DNAAF4: variants seen among roughly 807,000 people sequenced by gnomAD.
DNAAF4 encodes dynein assembly factor 4, axonemal.
A neutral mutation model predicts 51.8 loss-of-function variants in DNAAF4; 43 were observed. The ratio of observed to expected loss-of-function variants is 0.83; its 90% CI spans 0.65 to 1.07. DNAAF4 has a LOEUF of 1.07. Among genes scored for constraint, DNAAF4 ranks in the 50% least tolerant of loss-of-function variants. The pLI, the probability that DNAAF4 is intolerant of heterozygous loss-of-function variation, is 0.00. For missense variants in DNAAF4, 581 were observed against 493.0 expected, an observed-to-expected ratio of 1.18 and a Z score of -1.69; for synonymous variants, 194 against 165.6, an observed-to-expected ratio of 1.17 and a Z score of -1.32.
chr15:55,480,421 A>G (rs1299643660), intron 4 of DNAAF4, among the ~76,000 whole-genome samples: 2 of 152,158 alleles, frequency 1.3e-5, no homozygotes, highest in Non-Finnish European at 2.9e-5. Flanking sequence ...ACAACAAGCT[A>G]ACCTACATGT....
At chr15:55,433,904 T>TATATAA (rs1567000410) in intron 8 of DNAAF4, among the ~76,000 whole-genome samples, 1 of 16,342 alleles carries the variant, frequency 6.1e-5, no homozygotes, top group African/African-American at 4.7e-4. Flanking sequence ...ATTATATATA[T>TATATAA]TATATATAAT....
At chr15:55,503,483 T>G (rs532239281) in intron 1 of DNAAF4, among the ~76,000 whole-genome samples, 3 of 152,228 alleles carry the variant, frequency 2.0e-5, no homozygotes, top group Admixed American at 2.0e-4. Flanking sequence ...AAAGATAATT[T>G]TAGGCCAATA....
Position 55,468,801 on chromosome 15 carries a change from G to A in DNAAF4, c.406-1640C>T, listed in dbSNP as rs922856931. On this transcript the variant is annotated intron_variant, in intron 4 of 9. Coordinates refer to ENST00000321149, the MANE Select transcript of DNAAF4 (RefSeq NM_130810.4). ...AACAAAAAATAACAGGAAAGTTCTG[G>A]TATTATAGCCAAGATGTAGTTAAGG... is the stretch of plus-strand genomic sequence containing the variant. Among the ~76,000 whole-genome samples, 6 of 152,138 alleles carry A rather than the reference G, an allele frequency of 3.9e-5. No homozygotes were observed. In the South Asian group the frequency reaches 1.0e-3, roughly 26 times the overall value.
intron 4 of DNAAF4, among the ~76,000 whole-genome samples, chr15:55,473,766 G>A (rs1595932982): frequency 6.6e-6 from 1 of 151,860 alleles, no homozygotes; most frequent in East Asian, 1.9e-4. Flanking sequence ...CGAGGGAGGT[G>A]GATCACCTGA....
At chr15:55,470,847 AT>A (rs1169756178) in intron 4 of DNAAF4, among the ~76,000 whole-genome samples, 130 of 99,036 alleles carry the variant, frequency 1.3e-3, no homozygotes, top group African/African-American at 4.8e-3. Flanking sequence ...TGCCTGGCGG[AT>A]TTTTTTTTTT....
intron 4 of DNAAF4, among the ~76,000 whole-genome samples, chr15:55,470,971 A>G (rs939321569): frequency 1.3e-5 from 2 of 148,746 alleles, no homozygotes; most frequent in African/African-American, 5.0e-5. Context: ...CTCTCACCTC[A>G]GCCTCTCAAG....
chr15:55,429,177 G>A (rs1427123803), downstream of DNAAF4, among the ~76,000 whole-genome samples: 1 of 151,398 alleles, frequency 6.6e-6, no homozygotes, highest in Non-Finnish European at 1.5e-5. Context: ...AGCCGAGATT[G>A]CACCACTGCA....
chr15:55,444,196 C>A lies in DNAAF4; in HGVS notation c.784-4615G>T, dbSNP rs557048027. Reference sequence around the variant, plus strand: ...TTTTAGGTCTAACATTTAAGTCTTTCATCCATCTTGAATTAATTTTTGTAT... The same window carrying A: ...TTTTAGGTCTAACATTTAAGTCTTTAATCCATCTTGAATTAATTTTTGTAT... On this transcript the variant is annotated intron_variant, in intron 6 of 9. Coordinates refer to ENST00000321149, the MANE Select transcript of DNAAF4 (RefSeq NM_130810.4). Among the ~76,000 whole-genome samples the A allele has an allele frequency of 2.7e-3, 408 of 152,204 alleles. 2 individuals carry two copies. Among genetic ancestry groups the A allele is most frequent in the South Asian group, 7.0e-3 (34 of 4,826 alleles).
At chr15:55,502,236 G>A (rs1187737355) in intron 1 of DNAAF4, among the ~76,000 whole-genome samples, 2 of 152,170 alleles carry the variant, frequency 1.3e-5, no homozygotes, top group East Asian at 1.9e-4. Context: ...TTAGGAGAAG[G>A]AGGTTTGGTT....
intron 4 of DNAAF4, among the ~76,000 whole-genome samples, chr15:55,478,161 G>C (rs1201617219): frequency 6.6e-6 from 1 of 152,122 alleles, no homozygotes; most frequent in South Asian, 2.1e-4. Flanking sequence ...GTTTCTTTTT[G>C]ATTCAGGGGC....
At chr15:55,503,919 G>C (rs1483149498) in intron 1 of DNAAF4, among the ~76,000 whole-genome samples, 1 of 152,124 alleles carries the variant, frequency 6.6e-6, no homozygotes, top group East Asian at 1.9e-4. Flanking sequence ...TGGAAGTTCT[G>C]GCCAGGGCAA....
rs950266288 is a variant in DNAAF4 at position 55,497,809 on chromosome 15, G to A, written c.174C>T (p.Asp58=). The stretch of plus-strand genomic sequence containing the variant: ...CAATCTTTGCTTTGCTGCTCTCATC[G>A]TCTATGGGAGCATAAAGAAATGCCT... ...LFEAFLYAPI[D]DESSKAKIGN... The change falls in exon 3 of 10, where the codon GAC becomes GAT. Residue 58 remains aspartate (D), a synonymous_variant. Transcript: ENST00000321149. 4 of 1,613,750 alleles carry A rather than the reference G, an allele frequency of 2.5e-6. No individual in the cohort carries two copies. Among genetic ancestry groups the A allele is most frequent in the Non-Finnish European group, 1.7e-6 (2 of 1,179,918 alleles).
At chr15:55,464,583 C>G (rs1438838340) in intron 5 of DNAAF4, among the ~76,000 whole-genome samples, 1 of 152,174 alleles carries the variant, frequency 6.6e-6, no homozygotes, top group Non-Finnish European at 1.5e-5. Context: ...CCACAATGTA[C>G]AGGGAACTCA....
chr15:55,439,585 G>T lies in DNAAF4; in HGVS notation c.784-4C>A. 1.2e-6 allele frequency: 2 copies of T among 1,611,530 alleles called. No homozygotes were observed. Among genetic ancestry groups the T allele is most frequent in the Admixed American group, 1.7e-5 (1 of 59,804 alleles). On this transcript the variant is annotated splice_region_variant and splice_polypyrimidine_tract_variant and intron_variant, in intron 6 of 9. Coordinates refer to ENST00000321149, the MANE Select transcript of DNAAF4 (RefSeq NM_130810.4). ...CCTCAGCTTGTTTGTGTAGCCACTA[G>T]AATGAGAAAGAAGTCTTATGAAGAA...
chr15:55,493,351 GGTAA>G (rs2058599353), intron 3 of DNAAF4, among the ~76,000 whole-genome samples: 1 of 152,156 alleles, frequency 6.6e-6, no homozygotes, highest in African/African-American at 2.4e-5. Context: ...ATCAGTTAGA[GGTAA>G]GTAAAAGTGT....
At chr15:55,424,569 T>C (rs2057414211) in intron 7 of DNAAF4, among the ~76,000 whole-genome samples, 1 of 152,178 alleles carries the variant, frequency 6.6e-6, no homozygotes. Flanking sequence ...AACCACTTTT[T>C]TGACTAGGCC....
downstream of DNAAF4, among the ~76,000 whole-genome samples, chr15:55,428,484 C>CTTTTTT (rs747325376): frequency 8.0e-3 from 682 of 85,092 alleles, 7 homozygotes; most frequent in Non-Finnish European, 0.011. Context: ...TCTTTTTTTT[C>CTTTTTT]TTTTTTTTTT....
chr15:55,427,537 G>A (rs192298709), downstream of DNAAF4, among the ~76,000 whole-genome samples: 214 of 152,284 alleles, frequency 1.4e-3, 1 homozygote, highest in African/African-American at 4.9e-3. Flanking sequence ...TCTGGGTGGT[G>A]CCAGCTGATT....
intron 7 of DNAAF4, among the ~76,000 whole-genome samples, chr15:55,422,502 CAAG>C (rs938386770): frequency 2.6e-5 from 4 of 151,936 alleles, no homozygotes; most frequent in African/African-American, 7.3e-5. Flanking sequence ...AGGCAAAGAA[CAAG>C]AAGAAACAAA....
Sources: gnomAD v4.1 joint callset for allele counts (sites outside exome capture counted in the v4.1 genomes callset) on GRCh38, gnomAD v4.1.1 for gene constraint, MANE v1.5 for transcripts, NCBI Gene and HGNC (gene_info 2026-07-23, HGNC 2026-07-21) for gene names.